Variants in RNPEP observed in about 807,000 individuals in gnomAD.
The protein encoded by RNPEP is aminopeptidase B.
RNPEP carries 57 observed loss-of-function variants against 70.1 expected under a neutral mutation model. The observed-to-expected ratio is 0.81, with a 90% CI of 0.66 to 1.01. The LOEUF (loss-of-function observed/expected upper bound fraction) is 1.01, where lower values mean the gene tolerates loss of function less well. RNPEP is among the 50% of genes least tolerant of loss of function. The pLI, the probability that RNPEP is intolerant of heterozygous loss-of-function variation, is 0.00. For missense variants in RNPEP, 787 were observed against 852.4 expected (o/e 0.92, Z 0.96); for synonymous variants, 335 against 357.4 (o/e 0.94, Z 0.71).
At chr1:201,999,857 TG>T in intron 5 of RNPEP, 44 bp from the exon 6 acceptor site, 1 of 1,477,742 alleles carries the variant, frequency 6.8e-7, no homozygotes, top group Non-Finnish European at 9.4e-7. Context: ...CACTTGGATG[TG>T]GTGACAGACG....
chr1:201,991,807 C>T (rs1399251371), intron 3 of RNPEP, among the ~76,000 whole-genome samples: 1 of 152,068 alleles, frequency 6.6e-6, no homozygotes, highest in Non-Finnish European at 1.5e-5. Context: ...CTTAAACCTT[C>T]TAGTTGTAAC....
At position 202,003,095 on chromosome 1, in the gene RNPEP, T is replaced by G. The variant is rs1308288054; in HGVS notation, c.1427-142T>G. ...CTAGGACCCTGCTGGAGCGAATAGT[T>G]ACATGGGAAAGTAATGTTAAATGCT... is the stretch of plus-strand genomic sequence containing the variant. On this transcript the variant is annotated intron_variant, in intron 8 of 10. Transcript: ENST00000295640. 3 of 632,822 alleles carry G rather than the reference T, an allele frequency of 4.7e-6. No homozygotes were observed. The Admixed American group carries it at 8.8e-5, about 19-fold the overall frequency. The allele number at this position is 632,822 out of a possible 1,614,324, so 39.2% of individuals were successfully genotyped here.
chr1:201,992,295 A>G (rs947286851), intron 3 of RNPEP, among the ~76,000 whole-genome samples: 3 of 152,026 alleles, frequency 2.0e-5, no homozygotes, highest in African/African-American at 4.8e-5. Context: ...GGCCTCCCAA[A>G]GTGTTGGGAT....
At chr1:202,001,632 G>A (rs770172986) in intron 7 of RNPEP, 27 bp from the exon 8 acceptor site, 1 of 1,557,270 alleles carries the variant, frequency 6.4e-7, no homozygotes, top group South Asian at 1.1e-5. Context: ...GGCCAGAGAG[G>A]GTCTAAAGAG....
chr1:201,984,496 C>T (rs975723284), intron 1 of RNPEP, among the ~76,000 whole-genome samples: 4 of 152,138 alleles, frequency 2.6e-5, no homozygotes, highest in Non-Finnish European at 5.9e-5. Flanking sequence ...CAGGTGTGCC[C>T]TAAGCGGTTC....
chr1:201,999,025 G>T (rs932183654), intron 5 of RNPEP, among the ~76,000 whole-genome samples: 3 of 152,160 alleles, frequency 2.0e-5, no homozygotes, highest in Non-Finnish European at 4.4e-5. Context: ...AGACCAGCCT[G>T]ACCAAAATGG....
chr1:201,995,484 A>ACCAG (rs201107370), intron 3 of RNPEP, among the ~76,000 whole-genome samples: 4,405 of 150,394 alleles, frequency 0.029, 217 homozygotes, highest in African/African-American at 0.1. Flanking sequence ...GGAGTTCAAG[A>ACCAG]CCAGCCAGGG....
At chr1:201,992,062 C>T (rs1055614316) in intron 3 of RNPEP, among the ~76,000 whole-genome samples, 20 of 144,398 alleles carry the variant, frequency 1.4e-4, no homozygotes, top group African/African-American at 4.6e-4. Flanking sequence ...TTTCTTGCCT[C>T]GCTCTCTTGC....
At chr1:201,985,761 C>T (rs1664842934) in intron 1 of RNPEP, among the ~76,000 whole-genome samples, 1 of 152,158 alleles carries the variant, frequency 6.6e-6, no homozygotes. Flanking sequence ...TAAACCAGTA[C>T]CGATACTGGA....
intron 8 of RNPEP, 105 bp downstream of exon 8, chr1:202,001,872 C>A: frequency 1.3e-6 from 1 of 776,742 alleles, no homozygotes; most frequent in Non-Finnish European, 2.2e-6. Flanking sequence ...GGGTCAGAGT[C>A]AGCTAGGTAG....
At chr1:201,989,236 A>G (rs1683237315) in intron 2 of RNPEP, 147 bp from the exon 3 acceptor site, 2 of 1,202,608 alleles carry the variant, frequency 1.7e-6, no homozygotes, top group South Asian at 3.0e-5. Context: ...AGTTGAGCAC[A>G]GATTTAGTTT....
Position 201,996,392 on chromosome 1 carries a change from G to A in RNPEP, c.854+129G>A. On this transcript the variant is annotated intron_variant, in intron 4 of 10. Transcript: ENST00000295640. ...TTTCCCTGATCCCAGAAGTGAAGGA[G>A]AGGAGGAAGAGAGGAGGGTATGAGC... 3 of 727,580 alleles carry A rather than the reference G, an allele frequency of 4.1e-6. No homozygotes were observed. The Admixed American group carries it at 6.1e-5, about 15-fold the overall frequency. 45.1% of individuals were successfully genotyped at this position (727,580 alleles called of 1,614,324 possible). A position where few individuals can be genotyped will look rare whatever the true frequency, so the allele number is the denominator to read the frequency against.
In RNPEP at chr1:201,992,517, C is replaced by A. The variant is rs534858891; in HGVS notation, c.737+2986C>A. On this transcript the variant is annotated intron_variant, in intron 3 of 10. Coordinates refer to ENST00000295640, the MANE Select transcript of RNPEP (RefSeq NM_020216.4). ...CTGACTCTGCTAACCTTCCAGCTCT[C>A]TGACGGCCTCTCTCCCACTATATTC... Among the ~76,000 whole-genome samples the A allele has an allele frequency of 5.3e-5, 8 of 152,204 alleles. No individual in the cohort carries two copies. In the South Asian group the frequency reaches 1.7e-3, roughly 32 times the overall value.
Position 201,984,502 on chromosome 1 carries a change from G to A in RNPEP, c.447+1389G>A, listed in dbSNP as rs938922903. 5.3e-5 allele frequency among the ~76,000 whole-genome samples: 8 copies of A among 152,294 alleles called. No individual in the cohort carries two copies. In the South Asian group the frequency reaches 1.0e-3, roughly 20 times the overall value. ...AATGGGAGGCAGGTGTGCCCTAAGC[G>A]GTTCCCAGGTTGAGTTTTCTTTAGT... is the stretch of plus-strand genomic sequence containing the variant. On this transcript the variant is annotated intron_variant, in intron 1 of 10. Transcript: ENST00000295640.
intron 3 of RNPEP, among the ~76,000 whole-genome samples, chr1:201,991,430 G>A (rs1201175054): frequency 3.9e-5 from 6 of 152,134 alleles, no homozygotes; most frequent in South Asian, 2.1e-4. Context: ...TTATTAAATC[G>A]GAGGGTCTTC....
At position 201,982,703 on chromosome 1, in the gene RNPEP, G is replaced by A; in HGVS notation, c.37G>A (p.Ala13Thr). Residue 13 changes from alanine to threonine, a missense_variant, in exon 1 of 11, where the codon GCC becomes ACC. By Grantham distance (58) the Ala-to-Thr change is moderately conservative (BLOSUM62 0). Coordinates refer to ENST00000295640, the MANE Select transcript of RNPEP (RefSeq NM_020216.4). ...SGEHSPGSGA[A>T]RRPLHSAQAV... ...CGAGCATTCCCCCGGCAGCGGCGCG[G>A]CCCGGCGGCCGCTGCACTCCGCGCA... 1.4e-6 allele frequency: 2 copies of A among 1,397,750 alleles called. No homozygotes were observed. Among genetic ancestry groups the A allele is most frequent in the South Asian group, 1.6e-5 (1 of 63,786 alleles). 86.6% of individuals were successfully genotyped at this position (1,397,750 alleles called of 1,614,324 possible). A position where few individuals can be genotyped will look rare whatever the true frequency, so the allele number is the denominator to read the frequency against.
In RNPEP at chr1:201,984,817, C is replaced by CTTTCTTTTTTCTT. The variant is rs1374826560; in HGVS notation, c.447+1714_447+1715insCTTTTTCTTTTTT. ...GCTCTTACTGCTAACTTTTGTATTT[C>CTTTCTTTTTTCTT]TTTCTTTTTTTTTTTTTTTTTTTTT... On this transcript the variant is annotated intron_variant, in intron 1 of 10. Coordinates refer to ENST00000295640, the MANE Select transcript of RNPEP (RefSeq NM_020216.4). Among the ~76,000 whole-genome samples the CTTTCTTTTTTCTT allele has an allele frequency of 1.8e-3, 28 of 15,216 alleles. 2 individuals are homozygous for CTTTCTTTTTTCTT. The highest frequency in any genetic ancestry group is 4.3e-3 in the Admixed American group (6 of 1,380). The allele number at this position is 15,216 out of a possible 152,430, so 10.0% of individuals were successfully genotyped here.
At chr1:202,000,262 A>T in intron 6 of RNPEP, 1 of 391,770 alleles carries the variant, frequency 2.6e-6, no homozygotes, top group Middle Eastern at 6.6e-4. Flanking sequence ...GCATTTGCAC[A>T]AGTCCATATC....
At chr1:202,005,512 T>C (rs910653485) in intron 10 of RNPEP, 46 bp from the exon 11 acceptor site, 19 of 1,605,838 alleles carry the variant, frequency 1.2e-5, no homozygotes, top group East Asian at 1.1e-4. Context: ...GCTGGACAGA[T>C]CCACCAGGCA....
Sources: gnomAD v4.1 joint callset for allele counts (sites outside exome capture counted in the v4.1 genomes callset) on GRCh38, gnomAD v4.1.1 for gene constraint, MANE v1.5 for transcripts, NCBI Gene and HGNC (gene_info 2026-07-23, HGNC 2026-07-21) for gene names.